OR9Q1: variants seen among roughly 807,000 people sequenced by gnomAD.
The protein encoded by OR9Q1 is olfactory receptor family 9 subfamily Q member 1.
For synonymous variants in OR9Q1, 153 were observed against 148.6 expected (o/e 1.03, Z -0.22); for missense variants, 374 against 378.8 (o/e 0.99, Z 0.11).
At chr11:58,091,074 AT>A (rs1423598022) in intron 2 of OR9Q1, among the ~76,000 whole-genome samples, 1 of 150,114 alleles carries the variant, frequency 6.7e-6, no homozygotes, top group East Asian at 1.9e-4. Context: ...TATTTTGTTA[AT>A]TTTTTTTAAA....
intron 2 of OR9Q1, among the ~76,000 whole-genome samples, chr11:58,175,955 C>T (rs1252984358): frequency 2.0e-5 from 3 of 152,072 alleles, no homozygotes; most frequent in Non-Finnish European, 4.4e-5. Flanking sequence ...CCAATTTCTC[C>T]TCTGAGCAAC....
At chr11:58,033,490 A>T (rs1384422430) in intron 1 of OR9Q1, among the ~76,000 whole-genome samples, 1 of 152,214 alleles carries the variant, frequency 6.6e-6, no homozygotes, top group Non-Finnish European at 1.5e-5. Flanking sequence ...ATCCTAAGCA[A>T]ATTAATGCAG....
intron 2 of OR9Q1, among the ~76,000 whole-genome samples, chr11:58,068,017 A>G (rs1853446278): frequency 6.6e-6 from 1 of 152,048 alleles, no homozygotes; most frequent in African/African-American, 2.4e-5. Context: ...AGAGCAAGAG[A>G]GACAACCTGC....
intron 2 of OR9Q1, among the ~76,000 whole-genome samples, chr11:58,121,333 T>C (rs2120139389): frequency 6.6e-6 from 1 of 152,326 alleles, no homozygotes; most frequent in South Asian, 2.1e-4. Flanking sequence ...GGATACTCAT[T>C]AAAATGCCTA....
intron 2 of OR9Q1, among the ~76,000 whole-genome samples, chr11:58,121,079 T>C (rs1565082540): frequency 6.6e-6 from 1 of 152,154 alleles, no homozygotes; most frequent in Non-Finnish European, 1.5e-5. Context: ...AGACTAAATA[T>C]TGTGATTGGA....
intron 2 of OR9Q1, among the ~76,000 whole-genome samples, chr11:58,074,842 A>G (rs1042409906): frequency 6.6e-6 from 1 of 152,048 alleles, no homozygotes; most frequent in Admixed American, 6.6e-5. Flanking sequence ...AGTTTTCCCA[A>G]CACTATTTAT....
intron 2 of OR9Q1, among the ~76,000 whole-genome samples, chr11:58,080,177 G>T (rs916900755): frequency 3.9e-5 from 6 of 151,980 alleles, no homozygotes; most frequent in Admixed American, 2.6e-4. Context: ...AGTGTCTATT[G>T]TTCCATTGTT....
chr11:58,177,375 C>T (rs1854615706), intron 2 of OR9Q1, among the ~76,000 whole-genome samples: 1 of 152,108 alleles, frequency 6.6e-6, no homozygotes, highest in South Asian at 2.1e-4. Flanking sequence ...AGCTGTGCAG[C>T]CTTGGGAATG....
intron 2 of OR9Q1, among the ~76,000 whole-genome samples, chr11:58,139,981 T>C (rs1010876011): frequency 2.0e-5 from 3 of 152,124 alleles, no homozygotes; most frequent in African/African-American, 7.2e-5. Flanking sequence ...CCATTCTAAC[T>C]TGTGTGAGAT....
At chr11:58,030,388 C>G (rs913403834) in intron 1 of OR9Q1, among the ~76,000 whole-genome samples, 5 of 152,256 alleles carry the variant, frequency 3.3e-5, no homozygotes, top group South Asian at 2.1e-4. Flanking sequence ...TCCCCCTTGA[C>G]ATTTATTGAC....
intron 2 of OR9Q1, among the ~76,000 whole-genome samples, chr11:58,148,023 C>T (rs1009894846): frequency 6.6e-6 from 1 of 152,038 alleles, no homozygotes; most frequent in Non-Finnish European, 1.5e-5. Context: ...ATTTTGGCCT[C>T]AATTTACCAA....
intron 2 of OR9Q1, among the ~76,000 whole-genome samples, chr11:58,160,867 T>A (rs1224316492): frequency 6.6e-6 from 1 of 152,194 alleles, no homozygotes; most frequent in African/African-American, 2.4e-5. Context: ...TTGTAATATA[T>A]GACAGCGACT....
intron 2 of OR9Q1, among the ~76,000 whole-genome samples, chr11:58,140,207 T>C (rs1489909109): frequency 3.3e-5 from 5 of 152,150 alleles, no homozygotes; most frequent in Admixed American, 2.0e-4. Context: ...GTTGTGTAGA[T>C]TGCAAAAATT....
intron 2 of OR9Q1, among the ~76,000 whole-genome samples, chr11:58,100,645 A>C (rs1397864866): frequency 6.6e-6 from 1 of 151,832 alleles, no homozygotes; most frequent in Non-Finnish European, 1.5e-5. Context: ...TTTATATTGA[A>C]TATTTCTTAT....
chr11:58,053,645 A>AATTATATACAT (rs1853296654), intron 1 of OR9Q1, among the ~76,000 whole-genome samples: 3 of 139,452 alleles, frequency 2.2e-5, no homozygotes, highest in African/African-American at 8.1e-5. Flanking sequence ...TATATATATA[A>AATTATATACAT]ATTATATATA....
At chr11:58,158,846 T>C (rs1418377682) in intron 2 of OR9Q1, among the ~76,000 whole-genome samples, 1 of 152,188 alleles carries the variant, frequency 6.6e-6, no homozygotes, top group African/African-American at 2.4e-5. Context: ...TGCAAAGGAA[T>C]CAATTCTTCA....
intron 2 of OR9Q1, among the ~76,000 whole-genome samples, chr11:58,082,602 G>T (rs1280185336): frequency 5.6e-5 from 4 of 71,102 alleles, no homozygotes; most frequent in African/African-American, 2.1e-4. Flanking sequence ...GTTGTGGGGT[G>T]GGGGGAGGGG....
intron 2 of OR9Q1, among the ~76,000 whole-genome samples, chr11:58,089,078 A>C (rs936188306): frequency 6.6e-6 from 1 of 151,484 alleles, no homozygotes; most frequent in Admixed American, 6.6e-5. Context: ...GGGTTTCATC[A>C]TGTTGGCCAG....
chr11:58,043,260 CA>C (rs1853184202), intron 1 of OR9Q1, among the ~76,000 whole-genome samples: 1 of 152,166 alleles, frequency 6.6e-6, no homozygotes. Flanking sequence ...ACTTTCTCTT[CA>C]AAAGGGCAAA....
Sources: gnomAD v4.1 joint callset for allele counts (sites outside exome capture counted in the v4.1 genomes callset) on GRCh38, gnomAD v4.1.1 for gene constraint, MANE v1.5 for transcripts, NCBI Gene and HGNC (gene_info 2026-07-23, HGNC 2026-07-21) for gene names.